Variants in THSD7B observed in about 807,000 individuals in gnomAD.
The protein encoded by THSD7B is thrombospondin type 1 domain containing 7B.
A neutral mutation model predicts 213.6 loss-of-function variants in THSD7B; 138 were observed. The observed-to-expected ratio is 0.65, with a 90% confidence interval of 0.56 to 0.74. The LOEUF is 0.74. Among genes scored for constraint, THSD7B ranks in the 30% least tolerant of loss-of-function variants. The pLI, the probability that THSD7B is intolerant of heterozygous loss-of-function variation, is 0.00. For synonymous variants in THSD7B, 742 were observed against 687.0 expected, an observed-to-expected ratio of 1.08 and a Z score of -1.25; for missense variants, 1,931 against 1,991.5, an observed-to-expected ratio of 0.97 and a Z score of 0.58.
At chr2:137,670,850 G>A (rs183489952) in intron 27 of THSD7B, among the ~76,000 whole-genome samples, 2,147 of 148,940 alleles carry the variant, frequency 0.014, 49 homozygotes, top group African/African-American at 0.049. Flanking sequence ...GAACCCGGGA[G>A]GCGGAGCTTG....
At chr2:136,770,506 T>G (rs1681485786) in intron 1 of THSD7B, among the ~76,000 whole-genome samples, 1 of 152,236 alleles carries the variant, frequency 6.6e-6, no homozygotes, top group African/African-American at 2.4e-5. Context: ...AGTATTGCTC[T>G]GAGCCCTCTG....
intron 25 of THSD7B, among the ~76,000 whole-genome samples, chr2:137,662,584 G>A (rs72844588): frequency 0.099 from 14,988 of 152,136 alleles, 935 homozygotes; most frequent in Non-Finnish European, 0.15. Flanking sequence ...AAAGGTGATG[G>A]AGGGATTTCG....
At position 137,543,723 on chromosome 2, in the gene THSD7B, G is replaced by A. The variant is rs1472344374; in HGVS notation, c.3139-19498G>A. Among the ~76,000 whole-genome samples the A allele has an allele frequency of 4.0e-5, 6 of 151,670 alleles. No homozygotes were observed. In the East Asian group the frequency reaches 1.2e-3, roughly 30 times the overall value. ...TATTTGCAAACCATACATCTGATAA[G>A]GGTGTAGTATTGAGGATAAATAAAG... On this transcript the variant is annotated intron_variant, in intron 15 of 27. Transcript: ENST00000409968.
At chr2:136,772,635 T>C (rs760308463) in intron 1 of THSD7B, among the ~76,000 whole-genome samples, 1 of 152,150 alleles carries the variant, frequency 6.6e-6, no homozygotes, top group Admixed American at 6.5e-5. Context: ...AGTTGTTCGA[T>C]GTGAGTGGGG....
intron 2 of THSD7B, among the ~76,000 whole-genome samples, chr2:136,995,952 G>A (rs1573756084): frequency 6.6e-6 from 1 of 152,164 alleles, no homozygotes; most frequent in East Asian, 1.9e-4. Flanking sequence ...AGTAGATTCT[G>A]TCAGCTCTCA....
chr2:136,998,347 T>C (rs76668264), intron 2 of THSD7B, among the ~76,000 whole-genome samples: 7,957 of 151,788 alleles, frequency 0.052, 289 homozygotes, highest in East Asian at 0.12. Context: ...TTTTTTTCCC[T>C]TTGTTTTTCA....
At chr2:137,267,882 CT>C (rs1682633887) in intron 10 of THSD7B, among the ~76,000 whole-genome samples, 1 of 152,198 alleles carries the variant, frequency 6.6e-6, no homozygotes, top group South Asian at 2.1e-4. Flanking sequence ...CCCAAAATCA[CT>C]TTTTCTTGAG....
intron 1 of THSD7B, among the ~76,000 whole-genome samples, chr2:136,795,938 A>G (rs1311449668): frequency 6.6e-6 from 1 of 151,918 alleles, no homozygotes; most frequent in Admixed American, 6.6e-5. Context: ...TACTTGGATC[A>G]TATGTGAGTC....
In THSD7B at chr2:137,656,839, A is replaced by T. The variant is rs1336789353; in HGVS notation, c.4149A>T (p.Glu1383Asp). Residue 1383 changes from glutamate (E) to aspartate (D), a missense_variant, in exon 23 of 28, where the codon GAA becomes GAT. Coordinates refer to ENST00000409968, the MANE Select transcript of THSD7B (RefSeq NM_001316349.2). ...LTEWSEWSTCELTCIDGRSFE... is the reference protein window; with the variant it reads ...LTEWSEWSTCDLTCIDGRSFE... ...AATGGTCAGAGTGGAGCACATGTGA[A>T]TTAACCTGCATTGATGGAAGAAGCT... 1 of 1,613,978 alleles carries T rather than the reference A, an allele frequency of 6.2e-7. No individual in the cohort carries two copies. The highest frequency in any genetic ancestry group is 1.7e-5 in the Admixed American group (1 of 60,024).
intron 7 of THSD7B, among the ~76,000 whole-genome samples, chr2:137,226,551 A>G (rs1054604106): frequency 6.6e-6 from 1 of 151,802 alleles, no homozygotes; most frequent in South Asian, 2.1e-4. Context: ...GATCTTGAGT[A>G]TATTCATATG....
intron 2 of THSD7B, among the ~76,000 whole-genome samples, chr2:136,986,882 C>A (rs1489345097): frequency 6.6e-6 from 1 of 152,186 alleles, no homozygotes; most frequent in East Asian, 1.9e-4. Context: ...ATTTTGCAAA[C>A]AGGATCAATG....
chr2:137,427,916 G>A (rs1687095515), intron 14 of THSD7B, among the ~76,000 whole-genome samples: 1 of 152,078 alleles, frequency 6.6e-6, no homozygotes, highest in Non-Finnish European at 1.5e-5. Context: ...TGTAGTATAT[G>A]TGGATATATC....
At chr2:137,280,789 C>T (rs1682988941) in intron 12 of THSD7B, among the ~76,000 whole-genome samples, 1 of 152,060 alleles carries the variant, frequency 6.6e-6, no homozygotes, top group South Asian at 2.1e-4. Flanking sequence ...CTAGAAACTG[C>T]CCTTAAAATG....
At chr2:136,939,850 A>T (rs1684790748) in intron 2 of THSD7B, among the ~76,000 whole-genome samples, 1 of 152,052 alleles carries the variant, frequency 6.6e-6, no homozygotes, top group African/African-American at 2.4e-5. Context: ...TATTTAGCAC[A>T]TCCTCAACCT....
rs1455714396 is a variant in THSD7B at position 137,264,847 on chromosome 2, T to A, written c.2267-7686T>A. 2.6e-5 allele frequency among the ~76,000 whole-genome samples: 4 copies of A among 151,954 alleles called. No individual in the cohort carries two copies. In the East Asian group the frequency reaches 7.7e-4, roughly 29 times the overall value. On this transcript the variant is annotated intron_variant, in intron 10 of 27. Transcript: ENST00000409968. ...TATTTTTTATTTATTATTATTATAC[T>A]TTAAGTTTTAGGGTACATGTGCACA...
chr2:136,934,945 A>T (rs1684696975), intron 2 of THSD7B, among the ~76,000 whole-genome samples: 1 of 108,238 alleles, frequency 9.2e-6, no homozygotes, highest in Non-Finnish European at 1.9e-5. Flanking sequence ...GCAAATAGAC[A>T]GATTAATAGT....
At chr2:137,603,516 G>C (rs550984061) in intron 17 of THSD7B, among the ~76,000 whole-genome samples, 1 of 152,262 alleles carries the variant, frequency 6.6e-6, no homozygotes, top group South Asian at 2.1e-4. Context: ...TAGAATGAAG[G>C]CTGAGACTCA....
Position 137,328,661 on chromosome 2 carries a change from C to T in THSD7B, c.2500+52635C>T, listed in dbSNP as rs533256697. The stretch of plus-strand genomic sequence containing the variant: ...TTCTCTGATATGGTTTGGCTGTGTC[C>T]CCACCAAAATCTCATCTTGAATTGT... On this transcript the variant is annotated intron_variant, in intron 12 of 27. Coordinates refer to ENST00000409968, the MANE Select transcript of THSD7B (RefSeq NM_001316349.2). Among the ~76,000 whole-genome samples, 29 of 152,216 alleles carry T rather than the reference C, an allele frequency of 1.9e-4. 1 individual carries two copies. The South Asian group carries it at 6.0e-3, about 32-fold the overall frequency.
At chr2:137,245,086 T>G (rs1295568884) in intron 10 of THSD7B, among the ~76,000 whole-genome samples, 4 of 152,180 alleles carry the variant, frequency 2.6e-5, no homozygotes, top group Non-Finnish European at 4.4e-5. Context: ...CTCATTCTGA[T>G]GGAGCCCATA....
Sources: allele counts gnomAD v4.1 joint callset (sites outside exome capture counted in the v4.1 genomes callset), GRCh38; gene constraint gnomAD v4.1.1; transcripts MANE v1.5; gene names NCBI Gene and HGNC (gene_info 2026-07-23, HGNC 2026-07-21).